Variants in DLGAP2 observed in about 807,000 individuals in gnomAD.
The protein encoded by DLGAP2 is DLG associated protein 2.
In DLGAP2, 26 loss-of-function variants were observed where a neutral mutation model predicts 100.3. The observed-to-expected ratio is 0.26, with a 90% CI of 0.19 to 0.36. The LOEUF (loss-of-function observed/expected upper bound fraction) is 0.36, where lower values mean the gene tolerates loss of function less well. Ranked by LOEUF, DLGAP2 falls within the 10% of genes least tolerant of loss-of-function variation. The pLI, the probability that DLGAP2 is intolerant of heterozygous loss-of-function variation, is 1.00. For synonymous variants in DLGAP2, 886 were observed against 630.1 expected (o/e 1.41, Z -6.08); for missense variants, 1,858 against 1,453.2 (o/e 1.28, Z -4.53).
In DLGAP2 at chr8:1,630,505, A is replaced by G. The variant is rs546222707; in HGVS notation, c.1591-2322A>G. Among the ~76,000 whole-genome samples, 190 of 152,250 alleles carry G rather than the reference A, an allele frequency of 1.2e-3. 1 individual carries two copies. The highest frequency in any genetic ancestry group is 4.3e-3 in the African/African-American group (177 of 41,558). ...ATCACGAGGTCAGGAGATCGAGACC[A>G]TCCTGGCTAACATGGTGAAACCTCG... On this transcript the variant is annotated intron_variant, in intron 7 of 14. Transcript: ENST00000637795.
chr8:1,187,028 T>A (rs1797520128), intron 2 of DLGAP2, among the ~76,000 whole-genome samples: 1 of 151,474 alleles, frequency 6.6e-6, no homozygotes. Flanking sequence ...GTGGCGGTCG[T>A]GGGCCTTTCC....
intron 1 of DLGAP2, among the ~76,000 whole-genome samples, chr8:793,688 A>G (rs1795967091): frequency 6.6e-6 from 1 of 152,154 alleles, no homozygotes; most frequent in African/African-American, 2.4e-5. Flanking sequence ...ATTTCCTTAT[A>G]GATTTCCCTG....
At position 1,094,026 on chromosome 8, in the gene DLGAP2, G is replaced by A. The variant is rs546696710; in HGVS notation, c.74-164825G>A. Among the ~76,000 whole-genome samples, 34 of 151,440 alleles carry A rather than the reference G, an allele frequency of 2.2e-4. No homozygotes were observed. The South Asian group carries it at 6.7e-3, about 30-fold the overall frequency. On this transcript the variant is annotated intron_variant, in intron 2 of 14. Coordinates refer to ENST00000637795, the MANE Select transcript of DLGAP2 (RefSeq NM_001346810.2). ...CCCGGTGGAGGGAGGGCAGCTTCGC[G>A]GTGGGTGGAGGGAGGGCAGCTCCGC... is the stretch of plus-strand genomic sequence containing the variant.
At chr8:1,556,220 G>A (rs1402396109) in intron 5 of DLGAP2, among the ~76,000 whole-genome samples, 3 of 152,202 alleles carry the variant, frequency 2.0e-5, no homozygotes, top group Non-Finnish European at 4.4e-5. Flanking sequence ...CTTGGCAGCT[G>A]AGGCTCTGCT....
chr8:1,671,170 A>C (rs1260860769), intron 10 of DLGAP2, among the ~76,000 whole-genome samples: 1 of 152,004 alleles, frequency 6.6e-6, no homozygotes, highest in Non-Finnish European at 1.5e-5. Context: ...TGGAGCCTGC[A>C]CTCCACTCCA....
At chr8:1,572,182 G>A (rs1165298209) in intron 6 of DLGAP2, among the ~76,000 whole-genome samples, 2 of 130,798 alleles carry the variant, frequency 1.5e-5, no homozygotes, top group Non-Finnish European at 3.2e-5. Context: ...GGTGTCTGAT[G>A]AGATGGAGAG....
chr8:1,107,528 C>T (rs1429686526), intron 2 of DLGAP2, among the ~76,000 whole-genome samples: 2 of 152,170 alleles, frequency 1.3e-5, no homozygotes, highest in Non-Finnish European at 2.9e-5. Flanking sequence ...CAGGGCCCCT[C>T]GCGTGGGAAG....
chr8:1,011,746 T>A (rs1022850666), intron 2 of DLGAP2, among the ~76,000 whole-genome samples: 1 of 151,262 alleles, frequency 6.6e-6, no homozygotes, highest in African/African-American at 2.4e-5. Flanking sequence ...GGGTCCTCAG[T>A]CTGCACAGTG....
At chr8:818,635 T>A (rs888031667) in intron 1 of DLGAP2, among the ~76,000 whole-genome samples, 1 of 152,208 alleles carries the variant, frequency 6.6e-6, no homozygotes, top group African/African-American at 2.4e-5. Context: ...TGCAAGTTAG[T>A]CCTGCCTCCT....
chr8:1,585,811 TG>T (rs1245571413), intron 6 of DLGAP2, among the ~76,000 whole-genome samples: 1 of 152,222 alleles, frequency 6.6e-6, no homozygotes, highest in African/African-American at 2.4e-5. Flanking sequence ...TGTAAAATTA[TG>T]ACTCATTGTA....
intron 3 of DLGAP2, among the ~76,000 whole-genome samples, chr8:1,487,848 G>T (rs114730632): frequency 1.7e-4 from 26 of 152,282 alleles, no homozygotes; most frequent in African/African-American, 5.3e-4. Flanking sequence ...CAGCAGGTAC[G>T]TGGTGGCCCC....
intron 3 of DLGAP2, among the ~76,000 whole-genome samples, chr8:1,484,091 C>T (rs1041256726): frequency 5.9e-5 from 9 of 152,210 alleles, no homozygotes; most frequent in African/African-American, 2.2e-4. Context: ...AGCCGGCTTC[C>T]TTCCTGGGAG....
intron 2 of DLGAP2, among the ~76,000 whole-genome samples, chr8:1,003,942 C>A (rs1412992907): frequency 1.3e-5 from 2 of 152,186 alleles, no homozygotes; most frequent in East Asian, 1.9e-4. Context: ...GTGTCCCCCT[C>A]CCAAAAGATT....
In DLGAP2 at chr8:998,989, C is replaced by G. The variant is rs968550180; in HGVS notation, c.73+91023C>G. Among the ~76,000 whole-genome samples the G allele has an allele frequency of 2.6e-5, 4 of 152,112 alleles. No homozygotes were observed. In the East Asian group the frequency reaches 7.7e-4, roughly 29 times the overall value. ...GTTGTAGCATGCTTGGGTCATGTTA[C>G]CTGTAGAATCCTGAGATGAACATTG... On this transcript the variant is annotated intron_variant, in intron 2 of 14. Coordinates refer to ENST00000637795, the MANE Select transcript of DLGAP2 (RefSeq NM_001346810.2).
intron 6 of DLGAP2, among the ~76,000 whole-genome samples, chr8:1,605,036 C>G (rs1054572639): frequency 2.6e-5 from 4 of 152,178 alleles, no homozygotes; most frequent in African/African-American, 9.7e-5. Context: ...GCACCAGAAG[C>G]CAGGCGGGGC....
intron 2 of DLGAP2, among the ~76,000 whole-genome samples, chr8:1,240,683 G>A (rs114327578): frequency 0.019 from 2,852 of 147,960 alleles, 100 homozygotes; most frequent in African/African-American, 0.066. Flanking sequence ...CTCACATGGC[G>A]CCATGTCTGG....
At chr8:1,036,729 C>T (rs891957289) in intron 2 of DLGAP2, among the ~76,000 whole-genome samples, 3 of 152,128 alleles carry the variant, frequency 2.0e-5, no homozygotes, top group African/African-American at 7.2e-5. Context: ...GAACAGCTCC[C>T]AGCTGTAGCG....
intron 2 of DLGAP2, among the ~76,000 whole-genome samples, chr8:1,190,624 C>A (rs932609324): frequency 6.6e-6 from 1 of 152,188 alleles, no homozygotes; most frequent in South Asian, 2.1e-4. Context: ...TGTTTGGTGA[C>A]TGTGCGAGGT....
intron 3 of DLGAP2, chr8:1,301,531 G>C (rs1192064917): frequency 6.6e-6 from 1 of 151,954 alleles, no homozygotes; most frequent in Non-Finnish European, 1.5e-5. Flanking sequence ...TGTGTGACAC[G>C]AACACTTTCA....
Sources: allele counts gnomAD v4.1 joint callset (sites outside exome capture counted in the v4.1 genomes callset), GRCh38; gene constraint gnomAD v4.1.1; transcripts MANE v1.5; gene names NCBI Gene and HGNC (gene_info 2026-07-23, HGNC 2026-07-21).